The following DPH6 variants were observed in gnomAD, a reference collection of about 807,000 sequenced individuals.
DPH6 encodes the protein diphthamine biosynthesis 6, also known as diphthine--ammonia ligase.
DPH6 carries 33 observed loss-of-function variants against 38.2 expected under a neutral mutation model. The observed-to-expected ratio is 0.86, with a 90% CI of 0.65 to 1.15. The LOEUF (loss-of-function observed/expected upper bound fraction) is 1.15. DPH6 is among the 50% of genes most tolerant of loss of function. The pLI, the probability that DPH6 is intolerant of heterozygous loss-of-function variation, is 0.00. For missense variants in DPH6, 325 were observed against 320.0 expected, an observed-to-expected ratio of 1.02 and a Z score of -0.12; for synonymous variants, 108 against 103.0, an observed-to-expected ratio of 1.05 and a Z score of -0.30.
intron 6 of DPH6, among the ~76,000 whole-genome samples, chr15:35,397,714 C>T (rs990561903): frequency 6.6e-6 from 1 of 152,086 alleles, no homozygotes; most frequent in Non-Finnish European, 1.5e-5. Flanking sequence ...TCTTAGGTCC[C>T]TCTCTAGGCT....
At chr15:35,398,619 A>C (rs1232476793) in intron 6 of DPH6, among the ~76,000 whole-genome samples, 6 of 152,166 alleles carry the variant, frequency 3.9e-5, no homozygotes, top group Non-Finnish European at 8.8e-5. Context: ...CCTAAACTAT[A>C]TCCTTTATGA....
At chr15:35,451,682 C>A (rs2053934843) in intron 4 of DPH6, among the ~76,000 whole-genome samples, 1 of 152,114 alleles carries the variant, frequency 6.6e-6, no homozygotes, top group African/African-American at 2.4e-5. Context: ...CTTTTAAAAT[C>A]CATTTTCAAC....
intron 3 of DPH6, among the ~76,000 whole-genome samples, chr15:35,356,104 T>G (rs569540395): frequency 6.6e-6 from 1 of 152,240 alleles, no homozygotes; most frequent in Non-Finnish European, 1.5e-5. Context: ...ATTCGTCACA[T>G]AGTTCTCGTG....
chr15:35,427,808 C>T (rs577734439), intron 5 of DPH6, among the ~76,000 whole-genome samples: 1 of 152,092 alleles, frequency 6.6e-6, no homozygotes, highest in African/African-American at 2.4e-5. Flanking sequence ...GGAGAAACTT[C>T]TGTCATTAAC....
At chr15:35,259,936 G>A (rs1316055860) in intron 3 of DPH6, among the ~76,000 whole-genome samples, 1 of 152,160 alleles carries the variant, frequency 6.6e-6, no homozygotes, top group Non-Finnish European at 1.5e-5. Context: ...GGTAGCCAGG[G>A]AGGAGACATA....
chr15:35,516,098 A>T (rs2141226305), intron 3 of DPH6, among the ~76,000 whole-genome samples: 1 of 152,308 alleles, frequency 6.6e-6, no homozygotes, highest in East Asian at 1.9e-4. Flanking sequence ...AAACTTTGAG[A>T]TCATATTCAT....
chr15:35,284,077 T>C (rs2051921368), intron 3 of DPH6, among the ~76,000 whole-genome samples: 1 of 152,212 alleles, frequency 6.6e-6, no homozygotes, highest in Non-Finnish European at 1.5e-5. Context: ...TCTCTTCTGG[T>C]AACAGGGAAG....
At chr15:35,425,666 TGTGTGTGTATGTGTGTGTGTGTATGG>T (rs1240968315) in intron 5 of DPH6, among the ~76,000 whole-genome samples, 29 of 68,776 alleles carry the variant, frequency 4.2e-4, no homozygotes, top group African/African-American at 3.4e-3. Flanking sequence ...TATATGGAAG[TGTGTGTGTATGTGTGTGTGTGTATGG>T]GTGTGTGTGT....
At chr15:35,149,480 G>A in the DPH6 span, among the ~76,000 whole-genome samples, 574 of 152,108 alleles carry the variant, frequency 3.8e-3, 4 homozygotes, top group African/African-American at 0.013. Context: ...CTCGTGATTC[G>A]CCTGCCTCGG....
intron 3 of DPH6, among the ~76,000 whole-genome samples, chr15:35,526,186 TCCCTG>T (rs1162976964): frequency 1.3e-5 from 2 of 152,156 alleles, no homozygotes; most frequent in African/African-American, 4.8e-5. Flanking sequence ...CCTTCCCACC[TCCCTG>T]CAAAATTACT....
intron 5 of DPH6, among the ~76,000 whole-genome samples, chr15:35,449,123 C>T (rs1472490803): frequency 1.3e-5 from 2 of 151,466 alleles, no homozygotes; most frequent in East Asian, 3.9e-4. Context: ...TCTATGTCTT[C>T]AGAAGTACTG....
chr15:35,254,229 A>G (rs1369790250), intron 3 of DPH6, among the ~76,000 whole-genome samples: 1 of 152,230 alleles, frequency 6.6e-6, no homozygotes, highest in African/African-American at 2.4e-5. Context: ...TTGACATACC[A>G]ATCAAACTTG....
At chr15:35,325,307 C>A (rs1029700986) in intron 3 of DPH6, among the ~76,000 whole-genome samples, 1 of 152,076 alleles carries the variant, frequency 6.6e-6, no homozygotes, top group African/African-American at 2.4e-5. Flanking sequence ...AGAACTTATT[C>A]TATTAAATAT....
At chr15:35,192,809 A>C in the DPH6 span, among the ~76,000 whole-genome samples, 1 of 152,208 alleles carries the variant, frequency 6.6e-6, no homozygotes. Context: ...TCATTTATTT[A>C]TTTCTACTAC....
At chr15:35,521,119 T>C (rs2054917216) in intron 3 of DPH6, 3 of 985,140 alleles carry the variant, frequency 3.0e-6, no homozygotes, top group Non-Finnish European at 3.6e-6. Flanking sequence ...AGTAAAGCAA[T>C]GCTAAAGTGG....
At chr15:35,330,816 T>C (rs960116038) in exon 4 of DPH6, 3 of 152,184 alleles carry the variant, frequency 2.0e-5, no homozygotes, top group South Asian at 2.1e-4. Context: ...TAAACATCAT[T>C]TAATACCAGA....
At chr15:35,174,585 A>T in the DPH6 span, among the ~76,000 whole-genome samples, 1 of 152,336 alleles carries the variant, frequency 6.6e-6, no homozygotes, top group African/African-American at 2.4e-5. Flanking sequence ...GGTTACTTTG[A>T]GAGAAATGTT....
At chr15:35,390,044 C>T (rs1235857841) in intron 6 of DPH6, among the ~76,000 whole-genome samples, 1 of 152,020 alleles carries the variant, frequency 6.6e-6, no homozygotes, top group Non-Finnish European at 1.5e-5. Flanking sequence ...CTGGTGGTGA[C>T]AAAAATCTCT....
the DPH6 span, among the ~76,000 whole-genome samples, chr15:35,146,183 G>A: frequency 6.6e-6 from 1 of 151,244 alleles, no homozygotes; most frequent in African/African-American, 2.4e-5. Flanking sequence ...TAACATATTA[G>A]TTGAAAGTAA....
Sources: gnomAD v4.1 joint callset for allele counts (sites outside exome capture counted in the v4.1 genomes callset) on GRCh38, gnomAD v4.1.1 for gene constraint, MANE v1.5 for transcripts, NCBI Gene and HGNC (gene_info 2026-07-23, HGNC 2026-07-21) for gene names.